CNTNAP5: variants seen among roughly 807,000 people sequenced by gnomAD.
CNTNAP5 encodes the protein contactin associated protein family member 5.
In CNTNAP5, 72 loss-of-function variants were observed where a neutral mutation model predicts 150.2. That is an observed-to-expected ratio of 0.48 (90% CI 0.40 to 0.58). CNTNAP5 has a LOEUF of 0.58. Ranked by LOEUF, CNTNAP5 falls within the 20% of genes least tolerant of loss-of-function variation. The pLI, the probability that CNTNAP5 is intolerant of heterozygous loss-of-function variation, is 0.00. For synonymous variants in CNTNAP5, 672 were observed against 619.8 expected, an observed-to-expected ratio of 1.08 and a Z score of -1.25; for missense variants, 1,636 against 1,626.2, an observed-to-expected ratio of 1.01 and a Z score of -0.10.
chr2:124,918,824 T>A lies in CNTNAP5; in HGVS notation c.*4536T>A, dbSNP rs572615625. ...AAACTGACTTCATTGTTTCTGAAGATGGCAAAGGCGATTAATGGAAGAAGA... is the reference window on the plus strand; with the variant it reads ...AAACTGACTTCATTGTTTCTGAAGAAGGCAAAGGCGATTAATGGAAGAAGA... On this transcript the variant is annotated 3_prime_UTR_variant, in exon 24 of 24. Transcript: ENST00000682447. Among the ~76,000 whole-genome samples the A allele has an allele frequency of 6.6e-6, 1 of 152,268 alleles. No homozygotes were observed. Among genetic ancestry groups the A allele is most frequent in the South Asian group, 2.1e-4 (1 of 4,828 alleles).
At chr2:124,521,044 C>A (rs189529822) in intron 8 of CNTNAP5, among the ~76,000 whole-genome samples, 8 of 152,268 alleles carry the variant, frequency 5.3e-5, no homozygotes, top group African/African-American at 4.8e-5. Flanking sequence ...CCTTGAAACC[C>A]ATGCCTGGGC....
chr2:124,835,084 TTTATC>T (rs1181904063), intron 19 of CNTNAP5, among the ~76,000 whole-genome samples: 36 of 152,160 alleles, frequency 2.4e-4, no homozygotes, highest in Admixed American at 8.5e-4. Context: ...AATAATGACT[TTTATC>T]TAACTACCAA....
intron 1 of CNTNAP5, among the ~76,000 whole-genome samples, chr2:124,065,533 G>A (rs1682132013): frequency 1.3e-5 from 2 of 152,134 alleles, no homozygotes; most frequent in Non-Finnish European, 2.9e-5. Context: ...AGGGTCAGAT[G>A]CCAGCTCTAC....
chr2:124,312,912 C>T (rs1688869601), intron 3 of CNTNAP5, among the ~76,000 whole-genome samples: 1 of 152,152 alleles, frequency 6.6e-6, no homozygotes, highest in South Asian at 2.1e-4. Context: ...GCCATATTGG[C>T]CAGGCTGGTC....
intron 1 of CNTNAP5, among the ~76,000 whole-genome samples, chr2:124,133,656 T>C (rs1683912597): frequency 6.6e-6 from 1 of 152,104 alleles, no homozygotes; most frequent in Non-Finnish European, 1.5e-5. Flanking sequence ...TGACTTTCTG[T>C]GGAGCACCAG....
rs776817061 is a variant in CNTNAP5 at position 124,713,396 on chromosome 2, G to T, written c.2078-33833G>T. ...CTTTCTTTCTTCTCCCTCTTTTTTT[G>T]AGATAGAGTCTTGCTCTGTCACCCA... is the stretch of plus-strand genomic sequence containing the variant. On this transcript the variant is annotated intron_variant, in intron 13 of 23. Coordinates refer to ENST00000682447, the MANE Select transcript of CNTNAP5 (RefSeq NM_001367498.1). 2.9e-3 allele frequency among the ~76,000 whole-genome samples: 290 copies of T among 98,922 alleles called. 3 individuals are homozygous for T. The highest frequency in any genetic ancestry group is 0.011 in the African/African-American group (269 of 24,874). The allele number at this position is 98,922 out of a possible 152,430, so 64.9% of individuals were successfully genotyped here.
At chr2:124,605,914 A>G (rs1254644411) in intron 11 of CNTNAP5, among the ~76,000 whole-genome samples, 1 of 151,940 alleles carries the variant, frequency 6.6e-6, no homozygotes, top group East Asian at 1.9e-4. Flanking sequence ...TTATGGTTTC[A>G]AAATTAAAAA....
chr2:124,733,885 G>C (rs868692775), intron 13 of CNTNAP5, among the ~76,000 whole-genome samples: 17 of 152,180 alleles, frequency 1.1e-4, no homozygotes, highest in Middle Eastern at 6.8e-3. Context: ...GTGTTAATAC[G>C]ACATGCACAG....
chr2:124,359,458 C>G (rs1410873928), intron 3 of CNTNAP5, among the ~76,000 whole-genome samples: 1 of 151,846 alleles, frequency 6.6e-6, no homozygotes, highest in African/African-American at 2.4e-5. Context: ...ATAAATTTCC[C>G]TCTACACACG....
chr2:124,670,129 CTTCT>C lies in CNTNAP5; in HGVS notation c.2077+22175_2077+22178del, dbSNP rs1429837167. Among the ~76,000 whole-genome samples, 107 of 140,360 alleles carry C rather than the reference CTTCT, an allele frequency of 7.6e-4. 1 individual carries two copies. Among genetic ancestry groups the C allele is most frequent in the African/African-American group, 2.7e-3 (102 of 37,202 alleles). 92.1% of individuals were successfully genotyped at this position (140,360 alleles called of 152,430 possible). A position where few individuals can be genotyped will look rare whatever the true frequency, so the allele number is the denominator to read the frequency against. On this transcript the variant is annotated intron_variant, in intron 13 of 23. Transcript: ENST00000682447. ...GCCTGCCTTCCTTTCCTTTTCCTTCCTTCTTTCCTTCCTTCCTTCCTTCCTTCCT... is the reference window on the plus strand; with the variant it reads ...GCCTGCCTTCCTTTCCTTTTCCTTCCTTCCTTCCTTCCTTCCTTCCTTCCT...
chr2:124,233,041 G>GT (rs10716079), intron 2 of CNTNAP5, among the ~76,000 whole-genome samples: 6,050 of 145,340 alleles, frequency 0.042, 261 homozygotes, highest in Admixed American at 0.14. Flanking sequence ...GTATCTGTGG[G>GT]TTTTTTTTTT....
At chr2:124,552,779 G>A (rs1573454146) in intron 10 of CNTNAP5, among the ~76,000 whole-genome samples, 1 of 152,252 alleles carries the variant, frequency 6.6e-6, no homozygotes, top group Non-Finnish European at 1.5e-5. Context: ...TATACAAAAA[G>A]TGAGATGGTA....
At chr2:124,784,930 G>T (rs894093891) in intron 17 of CNTNAP5, among the ~76,000 whole-genome samples, 42 of 150,336 alleles carry the variant, frequency 2.8e-4, no homozygotes, top group African/African-American at 9.5e-4. Context: ...AATTTAATGA[G>T]TTTAGTATAA....
chr2:124,240,782 T>C (rs1686866391), intron 2 of CNTNAP5, among the ~76,000 whole-genome samples: 1 of 152,150 alleles, frequency 6.6e-6, no homozygotes, highest in South Asian at 2.1e-4. Flanking sequence ...TTTTCCATCC[T>C]TAAAGACAGA....
At chr2:124,359,369 C>G (rs1272144888) in intron 3 of CNTNAP5, among the ~76,000 whole-genome samples, 12 of 151,666 alleles carry the variant, frequency 7.9e-5, no homozygotes, top group African/African-American at 2.9e-4. Flanking sequence ...TTTGCTCTTG[C>G]TTTTCTCGTT....
rs531465265 is a variant in CNTNAP5, at chr2:124,553,372, C to T, written c.1650-9845C>T. On this transcript the variant is annotated intron_variant, in intron 10 of 23. Transcript: ENST00000682447. ...TACAAATATTAGCTGGGCACACTGG[C>T]GCGTGCCTGTAATCCCAGCTACTTG... Among the ~76,000 whole-genome samples the T allele has an allele frequency of 1.1e-4, 16 of 152,110 alleles. No individual in the cohort carries two copies. The South Asian group carries it at 2.3e-3, about 22-fold the overall frequency.
chr2:124,893,169 G>A (rs1054739053), intron 21 of CNTNAP5, among the ~76,000 whole-genome samples: 9 of 152,040 alleles, frequency 5.9e-5, no homozygotes, highest in Non-Finnish European at 1.2e-4. Flanking sequence ...ACAGAGGCTG[G>A]GTTCAAATCT....
At chr2:124,148,777 ATGTG>A in intron 1 of CNTNAP5, among the ~76,000 whole-genome samples, 2 of 39,162 alleles carry the variant, frequency 5.1e-5, no homozygotes, top group Non-Finnish European at 1.3e-4. Flanking sequence ...GTGTGCACAT[ATGTG>A]TGTATACATA....
At chr2:124,258,087 C>G (rs1687359273) in intron 3 of CNTNAP5, among the ~76,000 whole-genome samples, 1 of 152,056 alleles carries the variant, frequency 6.6e-6, no homozygotes, top group Non-Finnish European at 1.5e-5. Flanking sequence ...GAAAATGACC[C>G]ATGCAAATGC....
Sources: allele counts gnomAD v4.1 joint callset (sites outside exome capture counted in the v4.1 genomes callset), GRCh38; gene constraint gnomAD v4.1.1; transcripts MANE v1.5; gene names NCBI Gene and HGNC (gene_info 2026-07-23, HGNC 2026-07-21).